PLEKHG1: variants seen among roughly 807,000 people sequenced by gnomAD.
PLEKHG1 encodes pleckstrin homology domain-containing family G member 1.
In PLEKHG1, 44 loss-of-function variants were observed where a neutral mutation model predicts 100.8. The ratio of observed to expected loss-of-function variants is 0.44; its 90% CI spans 0.34 to 0.56. The LOEUF (loss-of-function observed/expected upper bound fraction) is 0.56, where lower values mean the gene tolerates loss of function less well. Among genes scored for constraint, PLEKHG1 ranks in the 20% least tolerant of loss-of-function variants. The probability of loss-of-function intolerance (pLI) is 0.01; values close to 1 mark genes in which losing one functional copy is unlikely to be tolerated. For synonymous variants in PLEKHG1, 640 were observed against 662.5 expected (o/e 0.97, Z 0.52); for missense variants, 1,545 against 1,720.9 (o/e 0.90, Z 1.81).
At chr6:150,714,322 C>T (rs1229070230) in intron 3 of PLEKHG1, among the ~76,000 whole-genome samples, 1 of 152,152 alleles carries the variant, frequency 6.6e-6, no homozygotes, top group East Asian at 1.9e-4. Context: ...GAAATAAAAA[C>T]CAAGTATCCT....
At chr6:150,689,330 A>G (rs190833415) in intron 3 of PLEKHG1, among the ~76,000 whole-genome samples, 21 of 152,278 alleles carry the variant, frequency 1.4e-4, no homozygotes, top group Admixed American at 1.2e-3. Flanking sequence ...AGTATTTTTC[A>G]ACCTACTGGT....
Position 150,809,642 on chromosome 6 carries a change from T to G in PLEKHG1, c.1192-6T>G. ...TTGTCTGACTGTCTACATCTCGTCTTGGCAGGCCAAATCCCAGCAAGACAA... is the reference window on the plus strand; with the variant it reads ...TTGTCTGACTGTCTACATCTCGTCTGGGCAGGCCAAATCCCAGCAAGACAA... On this transcript the variant is annotated splice_polypyrimidine_tract_variant and splice_region_variant and intron_variant, in intron 9 of 15. Coordinates refer to ENST00000358517, the Ensembl canonical transcript of PLEKHG1. 1 of 1,612,706 alleles carries G rather than the reference T, an allele frequency of 6.2e-7. No individual in the cohort carries two copies. Among genetic ancestry groups the G allele is most frequent in the Non-Finnish European group, 8.5e-7 (1 of 1,179,092 alleles).
At chr6:150,757,929 C>T (rs56931524) in intron 2 of PLEKHG1, among the ~76,000 whole-genome samples, 54,350 of 151,838 alleles carry the variant, frequency 0.36, 11,748 homozygotes, top group African/African-American at 0.59. Flanking sequence ...CTCCCACTTA[C>T]AAGTGAGAAC....
At chr6:150,760,653 T>G (rs1416091610) in intron 2 of PLEKHG1, among the ~76,000 whole-genome samples, 1 of 136,034 alleles carries the variant, frequency 7.4e-6, no homozygotes, top group African/African-American at 3.1e-5. Context: ...TTTTTTTTTT[T>G]GGTAGCTAGA....
chr6:150,642,691 A>T (rs543675898), intron 2 of PLEKHG1, among the ~76,000 whole-genome samples: 2 of 152,342 alleles, frequency 1.3e-5, no homozygotes, highest in South Asian at 4.1e-4. Context: ...TAGCACCTGC[A>T]CTGGTATGCT....
chr6:150,736,278 A>C (rs1307764574), intron 2 of PLEKHG1, among the ~76,000 whole-genome samples: 2 of 152,224 alleles, frequency 1.3e-5, no homozygotes, highest in Non-Finnish European at 2.9e-5. Flanking sequence ...AGATGGGACT[A>C]ATAAGTAGGA....
At chr6:150,623,751 C>T (rs922981778) in intron 1 of PLEKHG1, among the ~76,000 whole-genome samples, 4 of 152,192 alleles carry the variant, frequency 2.6e-5, no homozygotes, top group Non-Finnish European at 5.9e-5. Context: ...CAGACCCACA[C>T]GTTTGTCATG....
intron 3 of PLEKHG1, among the ~76,000 whole-genome samples, chr6:150,694,186 C>T (rs537696365): frequency 4.9e-4 from 74 of 152,336 alleles, no homozygotes; most frequent in African/African-American, 1.6e-3. Context: ...GCATGCAGGA[C>T]TCTGCTACCG....
chr6:150,804,651 T>C, exon 7 of PLEKHG1: 1 of 1,612,806 alleles, frequency 6.2e-7, no homozygotes, highest in South Asian at 1.1e-5. Flanking sequence ...AAGGCTATGA[T>C]GTGGTGCTTG....
chr6:150,763,801 C>T (rs1323656965), intron 2 of PLEKHG1, among the ~76,000 whole-genome samples: 1 of 152,214 alleles, frequency 6.6e-6, no homozygotes, highest in East Asian at 1.9e-4. Flanking sequence ...GACTTTAACT[C>T]ACTCATGCCA....
chr6:150,674,682 T>TCTCC (rs1455673564), intron 3 of PLEKHG1, among the ~76,000 whole-genome samples: 1,850 of 103,592 alleles, frequency 0.018, 56 homozygotes, highest in Non-Finnish European at 0.03. Context: ...TCTCTCTCTC[T>TCTCC]CCCCCCTCTT....
chr6:150,690,933 G>A (rs1031775864), intron 3 of PLEKHG1, among the ~76,000 whole-genome samples: 2 of 152,084 alleles, frequency 1.3e-5, no homozygotes, highest in Non-Finnish European at 2.9e-5. Context: ...TTGCTCTTCC[G>A]CAACCCAGCG....
chr6:150,781,304 A>C (rs1785298704), intron 3 of PLEKHG1, among the ~76,000 whole-genome samples: 1 of 151,226 alleles, frequency 6.6e-6, no homozygotes, highest in African/African-American at 2.4e-5. Flanking sequence ...CAAGAGTTCA[A>C]GACCAGCCTG....
chr6:150,660,919 G>T (rs1440786043), intron 3 of PLEKHG1, among the ~76,000 whole-genome samples: 1 of 152,192 alleles, frequency 6.6e-6, no homozygotes, highest in East Asian at 1.9e-4. Flanking sequence ...ACCTAAGGAT[G>T]AAAGATGTCT....
Position 150,839,728 on chromosome 6 carries a change from T to C in PLEKHG1, c.3095-105T>C. 5 of 738,332 alleles carry C rather than the reference T, an allele frequency of 6.8e-6. No individual in the cohort carries two copies. The Admixed American group carries it at 7.6e-5, about 11-fold the overall frequency. The allele number at this position is 738,332 out of a possible 1,614,324, so 45.7% of individuals were successfully genotyped here. A position where few individuals can be genotyped will look rare whatever the true frequency, so the allele number is the denominator to read the frequency against. ...AGACATCAGTTAGTCTTGTCTACTG[T>C]CAAAATTTTAAAATACGTTGGTTAG... is the stretch of plus-strand genomic sequence containing the variant. On this transcript the variant is annotated intron_variant, in intron 15 of 15. Transcript: ENST00000358517.
At position 150,759,514 on chromosome 6, in the gene PLEKHG1, A is replaced by C. The variant is rs1205251893; in HGVS notation, c.412-9124A>C. On this transcript the variant is annotated intron_variant, in intron 2 of 15. Coordinates refer to ENST00000358517, the Ensembl canonical transcript of PLEKHG1. ...CCTGTAGGGTTTCAGTGCCCAGGCT[A>C]TTGTCAGCAGATCCTGGTTTGAGCA... 2.6e-5 allele frequency among the ~76,000 whole-genome samples: 4 copies of C among 152,080 alleles called. No homozygotes were observed. The East Asian group carries it at 7.7e-4, about 29-fold the overall frequency.
intron 2 of PLEKHG1, among the ~76,000 whole-genome samples, chr6:150,734,871 G>T (rs370961329): frequency 6.6e-6 from 1 of 151,834 alleles, no homozygotes; most frequent in South Asian, 2.1e-4. Flanking sequence ...TCAATTATTC[G>T]ATTTTGATTT....
chr6:150,801,048 G>A (rs1786670647), intron 6 of PLEKHG1, among the ~76,000 whole-genome samples, 179 bp downstream of exon 7: 1 of 152,208 alleles, frequency 6.6e-6, no homozygotes, highest in Non-Finnish European at 1.5e-5. Flanking sequence ...TAGGCCCGTA[G>A]CCCCATTGAC....
chr6:150,645,959 C>T (rs1173993045), intron 2 of PLEKHG1, among the ~76,000 whole-genome samples: 2 of 152,166 alleles, frequency 1.3e-5, no homozygotes, highest in Non-Finnish European at 1.5e-5. Flanking sequence ...GAATAAAACC[C>T]AAACTGGATA....
Sources: allele counts gnomAD v4.1 joint callset (sites outside exome capture counted in the v4.1 genomes callset), GRCh38; gene constraint gnomAD v4.1.1; transcripts MANE v1.5; gene names NCBI Gene and HGNC (gene_info 2026-07-23, HGNC 2026-07-21).